BOLL: variants seen among roughly 807,000 people sequenced by gnomAD.
BOLL encodes the protein protein boule-like.
Under a neutral mutation model 44.4 loss-of-function variants are expected in BOLL, and 23 were observed. The observed-to-expected ratio is 0.52, with a 90% CI of 0.37 to 0.73. The LOEUF (loss-of-function observed/expected upper bound fraction) is 0.73, where lower values mean the gene tolerates loss of function less well. Ranked by LOEUF, BOLL falls within the 30% of genes least tolerant of loss-of-function variation. The pLI is 0.00. For synonymous variants in BOLL, 97 were observed against 110.8 expected (o/e 0.88, Z 0.78); for missense variants, 287 against 338.3 (o/e 0.85, Z 1.19).
rs750907998 is a variant in BOLL, at chr2:197,779,042, A to G, written c.154T>C (p.Phe52Leu). ...FKTNESDLRKFFSQYGSVKEV... is the reference protein window; with the variant it reads ...FKTNESDLRKLFSQYGSVKEV... Reference sequence around the variant, plus strand: ...TTCACAGACCCATACTGGGAAAAAAATTTTCTTAAATCACTTTCGTTTGTC... The same window carrying G: ...TTCACAGACCCATACTGGGAAAAAAGTTTTCTTAAATCACTTTCGTTTGTC... The change falls in exon 3 of 11, where the codon TTT (phenylalanine) becomes CTT (leucine). Residue 52 changes from phenylalanine (F) to leucine (L), a missense_variant. Physicochemically the swap from Phe to Leu is conservative, Grantham distance 22. Transcript: ENST00000392296. 1 of 1,610,686 alleles carries G rather than the reference A, an allele frequency of 6.2e-7. No individual in the cohort carries two copies. The highest frequency in any genetic ancestry group is 8.5e-7 in the Non-Finnish European group (1 of 1,178,148).
intron 8 of BOLL, 138 bp from the exon 9 acceptor site, chr2:197,756,694 C>G (rs1257098318): frequency 2.9e-6 from 2 of 695,260 alleles, no homozygotes; most frequent in Admixed American, 3.6e-5. Flanking sequence ...AGAAGTATCT[C>G]AGCAACGGAT....
chr2:197,779,733 T>G (rs1183127688), intron 2 of BOLL, among the ~76,000 whole-genome samples: 1 of 152,000 alleles, frequency 6.6e-6, no homozygotes, highest in African/African-American at 2.4e-5. Context: ...ACAAAGATGG[T>G]TTTGGCATGT....
rs149309104 is a variant in BOLL, at chr2:197,738,668, A to G, written c.828+4393T>C. Among the ~76,000 whole-genome samples, 297 of 152,296 alleles carry G rather than the reference A, an allele frequency of 2.0e-3. 1 individual carries two copies. Among genetic ancestry groups the G allele is most frequent in the African/African-American group, 6.4e-3 (268 of 41,570 alleles). On this transcript the variant is annotated intron_variant, in intron 10 of 10. Transcript: ENST00000392296. ...ACATTTGAAATTCCTACTTTGGGAT[A>G]TCTTCAATTAACATTCATGAGTTGT...
chr2:197,748,577 GAGTA>G (rs1688092194), intron 9 of BOLL, among the ~76,000 whole-genome samples: 1 of 152,220 alleles, frequency 6.6e-6, no homozygotes, highest in African/African-American at 2.4e-5. Context: ...ACTGAGGCTT[GAGTA>G]AGCGGTTTTC....
At chr2:197,785,945 G>T (rs1004783247), upstream of BOLL, 2 of 1,527,416 alleles carry the variant, frequency 1.3e-6, no homozygotes, top group Non-Finnish European at 1.8e-6. This position sits in a 1 kb window ranked among gnomAD's most constrained non-coding sequence, Gnocchi z 6.7. Flanking sequence ...CCTTCTCCCC[G>T]CTATCCCGCG....
At chr2:197,782,320 A>G (rs182296386) in intron 1 of BOLL, among the ~76,000 whole-genome samples, 7 of 152,320 alleles carry the variant, frequency 4.6e-5, no homozygotes, top group African/African-American at 1.4e-4. Flanking sequence ...ACTCTGATGG[A>G]TCAAGATTAA....
intron 1 of BOLL, among the ~76,000 whole-genome samples, chr2:197,783,365 G>T (rs1375412956): frequency 6.6e-6 from 1 of 152,204 alleles, no homozygotes; most frequent in Non-Finnish European, 1.5e-5. Flanking sequence ...TCATGAAAAT[G>T]AATCTCCAGC....
intron 10 of BOLL, among the ~76,000 whole-genome samples, chr2:197,731,697 C>A (rs1337587577): frequency 2.0e-5 from 3 of 151,850 alleles, no homozygotes; most frequent in Non-Finnish European, 4.4e-5. Context: ...AACTGAACAA[C>A]CTGCTCCTGA....
Position 197,771,866 on chromosome 2 carries a change from G to C in BOLL, c.469C>G (p.Pro157Ala). Residue 157 changes from proline to alanine, a missense_variant, in exon 6 of 11, where the codon CCG (proline) becomes GCG (alanine). Coordinates refer to ENST00000392296, the MANE Select transcript of BOLL (RefSeq NM_033030.6). Reference protein sequence around the residue: ...FHTPEVTSVPPPWPSRSVCSS... With the variant: ...FHTPEVTSVPAPWPSRSVCSS... ...ATGAAATTACTTACAGGCCAAGGCG[G>C]TGGGACCGAAGTTACCTCTGGAGTA... 6.3e-7 allele frequency: 1 copy of C among 1,585,938 alleles called. No individual in the cohort carries two copies. Among genetic ancestry groups the C allele is most frequent in the Non-Finnish European group, 8.6e-7 (1 of 1,168,086 alleles).
intron 10 of BOLL, among the ~76,000 whole-genome samples, chr2:197,740,942 T>A (rs1464101103): frequency 1.3e-5 from 2 of 152,148 alleles, no homozygotes; most frequent in Non-Finnish European, 2.9e-5. Flanking sequence ...TCTTTTGGCT[T>A]AGGATTGACT....
chr2:197,765,899 T>C (rs1258167293), intron 7 of BOLL, among the ~76,000 whole-genome samples: 22 of 152,064 alleles, frequency 1.4e-4, no homozygotes, highest in Admixed American at 1.4e-3. Flanking sequence ...TTTACGTTCA[T>C]GAGTTCTCAT....
At chr2:197,768,516 T>C (rs1327489267) in intron 6 of BOLL, among the ~76,000 whole-genome samples, 6 of 151,620 alleles carry the variant, frequency 4.0e-5, no homozygotes, top group Non-Finnish European at 8.8e-5. Context: ...AATACACCAA[T>C]GGAACAAAAT....
chr2:197,767,582 T>C (rs1275066094), intron 6 of BOLL, among the ~76,000 whole-genome samples: 3 of 152,072 alleles, frequency 2.0e-5, no homozygotes, highest in South Asian at 4.1e-4. Flanking sequence ...ATGGCTTCCT[T>C]AATTGATTTA....
At chr2:197,778,626 C>T (rs927121031) in intron 3 of BOLL, among the ~76,000 whole-genome samples, 1 of 151,726 alleles carries the variant, frequency 6.6e-6, no homozygotes, top group Non-Finnish European at 1.5e-5. Context: ...CTCTCTATGG[C>T]CTAAAGCAGG....
At chr2:197,773,326 G>A (rs1338273471) in intron 5 of BOLL, among the ~76,000 whole-genome samples, 2 of 151,560 alleles carry the variant, frequency 1.3e-5, no homozygotes, top group African/African-American at 4.8e-5. Flanking sequence ...TAAATTTTCA[G>A]TGCATACTAT....
chr2:197,740,789 GA>G (rs1403405389), intron 10 of BOLL, among the ~76,000 whole-genome samples: 7 of 152,054 alleles, frequency 4.6e-5, no homozygotes, highest in Admixed American at 2.0e-4. Flanking sequence ...TTCAACTTGG[GA>G]TGAGGAAAAG....
Position 197,754,641 on chromosome 2 carries a change from G to C in BOLL, c.729+1787C>G, listed in dbSNP as rs556006056. ...AGGCAGGAGAATCACTCGAACCTGGGAGGTGGAGGTTGCAGTGAGCCGAGA... is the reference window on the plus strand; with the variant it reads ...AGGCAGGAGAATCACTCGAACCTGGCAGGTGGAGGTTGCAGTGAGCCGAGA... On this transcript the variant is annotated intron_variant, in intron 9 of 10. Transcript: ENST00000392296. 4.0e-3 allele frequency among the ~76,000 whole-genome samples: 613 copies of C among 152,030 alleles called. 3 individuals are homozygous for C. Among genetic ancestry groups the C allele is most frequent in the African/African-American group, 0.014 (590 of 41,466 alleles).
At chr2:197,756,368 A>C in intron 9 of BOLL, 60 bp downstream of exon 9, 1 of 1,398,270 alleles carries the variant, frequency 7.2e-7, no homozygotes, top group Non-Finnish European at 9.5e-7. Context: ...AAAAAGAGAA[A>C]AAGAAATAAA....
chr2:197,781,732 A>G lies in BOLL; in HGVS notation c.119T>C (p.Ile40Thr), dbSNP rs553910561. ...TGCATAAATAGGTACCTTAAAATCAATTCCTCCTACAAAGATGCGATTAGG... is the reference window on the plus strand; with the variant it reads ...TGCATAAATAGGTACCTTAAAATCAGTTCCTCCTACAAAGATGCGATTAGG... ...VIPNRIFVGG[I>T]DFKTNESDLR... The change falls in exon 2 of 11, where the codon ATT becomes ACT. Residue 40 changes from isoleucine to threonine, a missense_variant. Coordinates refer to ENST00000392296, the MANE Select transcript of BOLL (RefSeq NM_033030.6). 2.1e-5 allele frequency: 33 copies of G among 1,553,066 alleles called. No individual in the cohort carries two copies. In the South Asian group the frequency reaches 3.9e-4, roughly 18 times the overall value.
Sources: allele counts gnomAD v4.1 joint callset (sites outside exome capture counted in the v4.1 genomes callset), GRCh38; gene constraint gnomAD v4.1.1; non-coding constraint Gnocchi (gnomAD v3.1); transcripts MANE v1.5; gene names NCBI Gene and HGNC (gene_info 2026-07-23, HGNC 2026-07-21).